Variants in SYNJ2 observed in about 807,000 individuals in gnomAD.
SYNJ2 encodes synaptojanin 2.
In SYNJ2, 116 loss-of-function variants were observed where a neutral mutation model predicts 141.3. The observed-to-expected ratio is 0.82, with a 90% CI of 0.71 to 0.96. The LOEUF (loss-of-function observed/expected upper bound fraction) is 0.96, where lower values mean the gene tolerates loss of function less well. SYNJ2 is among the 40% of genes least tolerant of loss of function. The pLI, the probability that SYNJ2 is intolerant of heterozygous loss-of-function variation, is 0.00. For synonymous variants in SYNJ2, 745 were observed against 777.7 expected (o/e 0.96, Z 0.70); for missense variants, 1,873 against 1,934.8 (o/e 0.97, Z 0.60).
intron 1 of SYNJ2, among the ~76,000 whole-genome samples, chr6:158,012,137 G>C (rs1327187366): frequency 6.6e-6 from 1 of 152,140 alleles, no homozygotes; most frequent in African/African-American, 2.4e-5. Flanking sequence ...TGTCTCACCA[G>C]TGGGTTTGTC....
At chr6:158,076,906 A>G in intron 17 of SYNJ2, 124 bp downstream of exon 17, 4 of 1,236,290 alleles carry the variant, frequency 3.2e-6, no homozygotes, top group Non-Finnish European at 4.3e-6. Flanking sequence ...ACCCCAGATG[A>G]CACAAAAGTC....
At chr6:158,049,973 T>C (rs930967038) in intron 5 of SYNJ2, among the ~76,000 whole-genome samples, 3 of 151,358 alleles carry the variant, frequency 2.0e-5, no homozygotes, top group Admixed American at 1.3e-4. Flanking sequence ...AGTATGCACG[T>C]GGCTCTGCAG....
In SYNJ2 at chr6:158,062,082, T is replaced by C. The variant is rs1781256595; in HGVS notation, c.1045T>C (p.Leu349=). Residue 349 remains leucine, a synonymous_variant, in exon 8 of 27, where the codon TTG becomes CTG. Transcript: ENST00000355585. ...TGCCAAAGGTGGGAAGCTAGAGAAA[T>C]TGGAGACCCTCTTGAGGCCACAGTT... ...QFAKGGKLEK[L]ETLLRPQLKL... The C allele has an allele frequency of 2.5e-6, 4 of 1,614,044 alleles. No homozygotes were observed. Among genetic ancestry groups the C allele is most frequent in the Admixed American group, 1.7e-5 (1 of 60,010 alleles).
chr6:157,991,375 G>A (rs1243906730), intron 1 of SYNJ2, among the ~76,000 whole-genome samples: 2 of 152,168 alleles, frequency 1.3e-5, no homozygotes, highest in Admixed American at 6.5e-5. Flanking sequence ...GCTCTGGGGT[G>A]GGCCTTGAGA....
chr6:158,080,730 G>A (rs1291041341), intron 18 of SYNJ2, among the ~76,000 whole-genome samples: 2 of 152,140 alleles, frequency 1.3e-5, no homozygotes, highest in Non-Finnish European at 2.9e-5. Flanking sequence ...CACCTCCTTG[G>A]TGGTACTGAG....
chr6:158,040,744 T>A lies in SYNJ2; in HGVS notation c.712-2572T>A, dbSNP rs1181782714. Among the ~76,000 whole-genome samples, 3 of 152,106 alleles carry A rather than the reference T, an allele frequency of 2.0e-5. No individual in the cohort carries two copies. The highest frequency in any genetic ancestry group is 4.4e-5 in the Non-Finnish European group (3 of 68,032). ...CCTGTGAGTTTTCCTGCCTCGTCGCTCTCTTTTTATGGCCATTAGGTTTCT... is the reference window on the plus strand; with the variant it reads ...CCTGTGAGTTTTCCTGCCTCGTCGCACTCTTTTTATGGCCATTAGGTTTCT... On this transcript the variant is annotated intron_variant, in intron 4 of 26. Coordinates refer to ENST00000355585, the MANE Select transcript of SYNJ2 (RefSeq NM_003898.4). The surrounding 1 kb of genome is among the most constrained non-coding windows in gnomAD (Gnocchi z 4.2).
Position 157,981,902 on chromosome 6 carries a change from G to A in SYNJ2, c.-60G>A. On this transcript the variant is annotated 5_prime_UTR_variant, in exon 1 of 27. Coordinates refer to ENST00000355585, the MANE Select transcript of SYNJ2 (RefSeq NM_003898.4). This position sits in a 1 kb window ranked among gnomAD's most constrained non-coding sequence, Gnocchi z 6.4. ...TTGCGGGCGCGCGGGGAGCTGTCGCGGGCAGCGCGCCCTCGGGAGGACGTG... is the reference window on the plus strand; with the variant it reads ...TTGCGGGCGCGCGGGGAGCTGTCGCAGGCAGCGCGCCCTCGGGAGGACGTG... The A allele has an allele frequency of 8.2e-7, 1 of 1,212,572 alleles. No homozygotes were observed. The highest frequency in any genetic ancestry group is 1.0e-6 in the Non-Finnish European group (1 of 972,880). The allele number at this position is 1,212,572 out of a possible 1,614,324, so 75.1% of individuals were successfully genotyped here. A position where few individuals can be genotyped will look rare whatever the true frequency, so the allele number is the denominator to read the frequency against.
Position 158,070,618 on chromosome 6 carries a change from C to A in SYNJ2, c.1940+945C>A. On this transcript the variant is annotated intron_variant, in intron 14 of 26. Transcript: ENST00000355585. This position sits in a 1 kb window ranked among gnomAD's most constrained non-coding sequence, Gnocchi z 4.0. The stretch of plus-strand genomic sequence containing the variant: ...CCCAGGCTCGGTGTCCTCGGCTTCA[C>A]GTGCCTTTAGCCCTGAGCTGCTTCC... 1.7e-6 allele frequency: 1 copy of A among 589,998 alleles called. No homozygotes were observed. Among genetic ancestry groups the A allele is most frequent in the Non-Finnish European group, 2.1e-6 (1 of 469,300 alleles). The allele number at this position is 589,998 out of a possible 1,614,324, so 36.5% of individuals were successfully genotyped here.
At position 158,070,568 on chromosome 6, in the gene SYNJ2, C is replaced by A; in HGVS notation, c.1940+895C>A. 1.0e-6 allele frequency: 1 copy of A among 954,436 alleles called. No homozygotes were observed. The highest frequency in any genetic ancestry group is 1.2e-6 in the Non-Finnish European group (1 of 801,804). 59.1% of individuals were successfully genotyped at this position (954,436 alleles called of 1,614,324 possible). On this transcript the variant is annotated intron_variant, in intron 14 of 26. Coordinates refer to ENST00000355585, the MANE Select transcript of SYNJ2 (RefSeq NM_003898.4). The surrounding 1 kb of genome is among the most constrained non-coding windows in gnomAD (Gnocchi z 4.0). ...GAGAGGTAAAGCATTTGAGAAAGGG[C>A]TCAGAGCTGAGGAGAGCCAGGTTTC...
At chr6:158,015,415 G>A (rs1778415867) in intron 1 of SYNJ2, among the ~76,000 whole-genome samples, 1 of 152,218 alleles carries the variant, frequency 6.6e-6, no homozygotes. Context: ...GGGGCCCAAA[G>A]CTCCTTAAGG....
intron 6 of SYNJ2, among the ~76,000 whole-genome samples, chr6:158,057,301 C>A (rs1263230631): frequency 1.3e-5 from 2 of 152,130 alleles, no homozygotes; most frequent in African/African-American, 2.4e-5. Context: ...GCTGCTGGTG[C>A]CAGCGTCCCC....
In SYNJ2 at chr6:158,070,555, A is replaced by AT. The variant is rs1206932236; in HGVS notation, c.1940+885dup. On this transcript the variant is annotated intron_variant, in intron 14 of 26. Coordinates refer to ENST00000355585, the MANE Select transcript of SYNJ2 (RefSeq NM_003898.4). The surrounding 1 kb of genome is among the most constrained non-coding windows in gnomAD (Gnocchi z 4.0). Reference sequence around the variant, plus strand: ...GCGGGGTGAGGGTGAGAGGTAAAGCATTTGAGAAAGGGCTCAGAGCTGAGG... The same window carrying AT: ...GCGGGGTGAGGGTGAGAGGTAAAGCATTTTGAGAAAGGGCTCAGAGCTGAGG... 2.3e-5 allele frequency: 22 copies of AT among 975,084 alleles called. No homozygotes were observed. The highest frequency in any genetic ancestry group is 2.7e-5 in the Non-Finnish European group (22 of 820,662). The allele number at this position is 975,084 out of a possible 1,614,324, so 60.4% of individuals were successfully genotyped here. A position where few individuals can be genotyped will look rare whatever the true frequency, so the allele number is the denominator to read the frequency against.
In SYNJ2 at chr6:158,098,771, T is replaced by C. The variant is rs1353680430; in HGVS notation, c.*2407T>C. ...ATTTTGTTCCTGCTGTTCTCTAACA[T>C]GGTGCAGTTCACGCAGACTGGTTTA... On this transcript the variant is annotated 3_prime_UTR_variant, in exon 27 of 27. Transcript: ENST00000355585. 1 of 152,236 alleles carries C rather than the reference T, an allele frequency of 6.6e-6. No individual in the cohort carries two copies. The highest frequency in any genetic ancestry group is 1.5e-5 in the Non-Finnish European group (1 of 68,050). The allele number at this position is 152,236 out of a possible 1,614,324, so 9.4% of individuals were successfully genotyped here. A position where few individuals can be genotyped will look rare whatever the true frequency, so the allele number is the denominator to read the frequency against.
chr6:157,983,005 C>A (rs893068477), intron 1 of SYNJ2, among the ~76,000 whole-genome samples: 4 of 152,158 alleles, frequency 2.6e-5, no homozygotes, highest in Non-Finnish European at 5.9e-5. Context: ...TGTGGACACC[C>A]GAGAGTAAGC....
At chr6:157,986,999 T>G (rs1777232592) in intron 1 of SYNJ2, among the ~76,000 whole-genome samples, 1 of 151,730 alleles carries the variant, frequency 6.6e-6, no homozygotes, top group Non-Finnish European at 1.5e-5. Flanking sequence ...ATTATTATCG[T>G]TTTTTGAGAT....
At chr6:158,039,405 C>A (rs1779815980) in intron 4 of SYNJ2, among the ~76,000 whole-genome samples, 1 of 152,182 alleles carries the variant, frequency 6.6e-6, no homozygotes, top group Non-Finnish European at 1.5e-5. Flanking sequence ...GGAAGCAGCC[C>A]CGTGAGGATC....
chr6:158,017,604 C>T (rs1228507233), intron 2 of SYNJ2: 4 of 400,780 alleles, frequency 1.0e-5, no homozygotes, highest in African/African-American at 4.2e-5. Context: ...TTAGTAGAGA[C>T]GGGGTTTTTC....
chr6:157,993,536 T>G (rs1389034506), intron 1 of SYNJ2, among the ~76,000 whole-genome samples: 1 of 152,102 alleles, frequency 6.6e-6, no homozygotes, highest in African/African-American at 2.4e-5. Context: ...CTTTTTAACT[T>G]AATATGATCT....
intron 1 of SYNJ2, among the ~76,000 whole-genome samples, chr6:157,999,564 A>G (rs1300496041): frequency 1.3e-5 from 2 of 152,214 alleles, no homozygotes. Context: ...CCAGGGAGCC[A>G]AGCTCAGGGC....
Sources: gnomAD v4.1 joint callset for allele counts (sites outside exome capture counted in the v4.1 genomes callset) on GRCh38, gnomAD v4.1.1 for gene constraint, Gnocchi (gnomAD v3.1) non-coding constraint, MANE v1.5 for transcripts, NCBI Gene and HGNC (gene_info 2026-07-23, HGNC 2026-07-21) for gene names.